The following ANKS1B variants were observed in gnomAD, a reference collection of about 807,000 sequenced individuals.
The protein encoded by ANKS1B is ankyrin repeat and sterile alpha motif domain containing 1B.
In ANKS1B, 36 loss-of-function variants were observed where a neutral mutation model predicts 148.3. The observed-to-expected ratio is 0.24, with a 90% CI of 0.19 to 0.32. The LOEUF (loss-of-function observed/expected upper bound fraction) is 0.32. Ranked by LOEUF, ANKS1B falls within the 10% of genes least tolerant of loss-of-function variation. ANKS1B has a pLI of 1.00. For missense variants in ANKS1B, 1,157 were observed against 1,542.6 expected (o/e 0.75, Z 4.19); for synonymous variants, 542 against 560.8 (o/e 0.97, Z 0.47).
intron 9 of ANKS1B, among the ~76,000 whole-genome samples, chr12:99,575,440 C>T (rs2097506819): frequency 6.6e-6 from 1 of 152,052 alleles, no homozygotes; most frequent in Non-Finnish European, 1.5e-5. Context: ...TGTTTTCACA[C>T]TGCTAATAAA....
chr12:99,464,070 G>T (rs2096048974), intron 10 of ANKS1B, among the ~76,000 whole-genome samples: 1 of 152,138 alleles, frequency 6.6e-6, no homozygotes, highest in South Asian at 2.1e-4. Flanking sequence ...ACCTCACATG[G>T]CCGGGTACTC....
At chr12:99,238,899 C>T (rs888873982) in intron 14 of ANKS1B, among the ~76,000 whole-genome samples, 2 of 152,162 alleles carry the variant, frequency 1.3e-5, no homozygotes, top group South Asian at 4.1e-4. Flanking sequence ...CACACCAAAA[C>T]CCCATCTGTA....
chr12:99,616,943 G>GA (rs921316721), intron 9 of ANKS1B, among the ~76,000 whole-genome samples: 56 of 149,148 alleles, frequency 3.8e-4, no homozygotes, highest in East Asian at 2.2e-3. Flanking sequence ...AAATTTACAA[G>GA]AAAAAAAAAC....
At chr12:99,065,335 A>C (rs572563202) in intron 16 of ANKS1B, among the ~76,000 whole-genome samples, 4 of 152,316 alleles carry the variant, frequency 2.6e-5, no homozygotes, top group East Asian at 1.9e-4. Context: ...CCTGAATGTC[A>C]ATTCTATTTA....
At chr12:99,470,265 T>C (rs2096218767) in intron 10 of ANKS1B, among the ~76,000 whole-genome samples, 1 of 152,148 alleles carries the variant, frequency 6.6e-6, no homozygotes, top group African/African-American at 2.4e-5. Flanking sequence ...ATGGAAATTA[T>C]TAAGTATCAA....
At chr12:99,783,136 A>G (rs1013989744) in intron 4 of ANKS1B, among the ~76,000 whole-genome samples, 3 of 151,540 alleles carry the variant, frequency 2.0e-5, no homozygotes, top group African/African-American at 7.3e-5. Flanking sequence ...GGTTGCAGTG[A>G]GCCGAGATCG....
At chr12:99,983,399 C>G (rs906288525) in intron 1 of ANKS1B, among the ~76,000 whole-genome samples, 1 of 152,104 alleles carries the variant, frequency 6.6e-6, no homozygotes, top group South Asian at 2.1e-4. Context: ...CCAGTCTCAC[C>G]TACGACATCT....
At chr12:99,368,536 A>G (rs2092913297) in intron 12 of ANKS1B, among the ~76,000 whole-genome samples, 3 of 152,128 alleles carry the variant, frequency 2.0e-5, no homozygotes, top group Non-Finnish European at 2.9e-5. Context: ...ATAAGATCAA[A>G]GTTAGAAACT....
At chr12:98,910,119 C>T (rs1170768276) in intron 17 of ANKS1B, among the ~76,000 whole-genome samples, 4 of 151,994 alleles carry the variant, frequency 2.6e-5, no homozygotes, top group African/African-American at 4.8e-5. Flanking sequence ...ATCAGTCAAA[C>T]CACAAAGAAA....
chr12:99,699,598 GT>G (rs1296586340), intron 8 of ANKS1B, among the ~76,000 whole-genome samples: 1 of 152,026 alleles, frequency 6.6e-6, no homozygotes, highest in East Asian at 1.9e-4. Context: ...TTGTATTGCT[GT>G]TTTAAATATC....
chr12:99,850,676 G>C (rs1465877683), intron 1 of ANKS1B, among the ~76,000 whole-genome samples: 1 of 152,016 alleles, frequency 6.6e-6, no homozygotes, highest in Non-Finnish European at 1.5e-5. Flanking sequence ...TCAAGGGATA[G>C]AGTTAATTTT....
At chr12:99,170,804 G>A (rs2077675839) in intron 14 of ANKS1B, among the ~76,000 whole-genome samples, 1 of 152,158 alleles carries the variant, frequency 6.6e-6, no homozygotes, top group Non-Finnish European at 1.5e-5. Context: ...TCAGCACTAA[G>A]CAGCCTGGTC....
chr12:99,207,481 T>C lies in ANKS1B; in HGVS notation c.2419+36861A>G, dbSNP rs564847574. 9.9e-5 allele frequency among the ~76,000 whole-genome samples: 15 copies of C among 152,264 alleles called. No individual in the cohort carries two copies. In the South Asian group the frequency reaches 2.9e-3, roughly 29 times the overall value. ...TACACTTTGATATCTTGTTTTTATA[T>C]CATATAGAAGAGCTCAACATATTTA... On this transcript the variant is annotated intron_variant, in intron 14 of 26. Transcript: ENST00000683438.
intron 22 of ANKS1B, among the ~76,000 whole-genome samples, chr12:98,792,083 G>C (rs536386474): frequency 6.6e-6 from 1 of 152,252 alleles, no homozygotes; most frequent in African/African-American, 2.4e-5. Flanking sequence ...CTTCTGGATT[G>C]AAAGTTTAAA....
At chr12:99,188,142 T>G (rs1452035789) in intron 14 of ANKS1B, among the ~76,000 whole-genome samples, 1 of 152,192 alleles carries the variant, frequency 6.6e-6, no homozygotes, top group Non-Finnish European at 1.5e-5. Flanking sequence ...CAAAAAGAGC[T>G]AACTATTCTA....
chr12:99,504,453 C>T, intron 10 of ANKS1B, 23 bp downstream of exon 10: 1 of 1,605,250 alleles, frequency 6.2e-7, no homozygotes, highest in Non-Finnish European at 8.5e-7. Flanking sequence ...TGAATCAGGC[C>T]AATTGTGAGT....
intron 8 of ANKS1B, among the ~76,000 whole-genome samples, chr12:99,760,159 C>T (rs1390053905): frequency 2.0e-5 from 3 of 151,688 alleles, no homozygotes; most frequent in Non-Finnish European, 4.4e-5. Context: ...TACTGTGCAT[C>T]AGTGAAGTCC....
At chr12:99,156,253 G>A (rs1392122357) in intron 14 of ANKS1B, among the ~76,000 whole-genome samples, 5 of 151,938 alleles carry the variant, frequency 3.3e-5, no homozygotes, top group African/African-American at 1.2e-4. Context: ...TCTATTTCCT[G>A]TTTTAAGTTT....
chr12:99,458,430 A>C (rs960826863), intron 10 of ANKS1B, among the ~76,000 whole-genome samples: 4 of 149,972 alleles, frequency 2.7e-5, no homozygotes, highest in Middle Eastern at 3.4e-3. Context: ...GAGCAGAACT[A>C]AATGAAATTG....
Sources: gnomAD v4.1 joint callset for allele counts (sites outside exome capture counted in the v4.1 genomes callset) on GRCh38, gnomAD v4.1.1 for gene constraint, MANE v1.5 for transcripts, NCBI Gene and HGNC (gene_info 2026-07-23, HGNC 2026-07-21) for gene names.